The following SLC35F1 variants were observed in gnomAD, a reference collection of about 807,000 sequenced individuals.
SLC35F1 encodes the protein solute carrier family 35 member F1.
SLC35F1 carries 14 observed loss-of-function variants against 48.7 expected under a neutral mutation model. The ratio of observed to expected loss-of-function variants is 0.29; its 90% CI spans 0.19 to 0.45. The LOEUF (loss-of-function observed/expected upper bound fraction) is 0.45. SLC35F1 is among the 20% of genes least tolerant of loss of function. The pLI is 1.00. For synonymous variants in SLC35F1, 190 were observed against 202.2 expected, an observed-to-expected ratio of 0.94 and a Z score of 0.51; for missense variants, 404 against 500.0, an observed-to-expected ratio of 0.81 and a Z score of 1.83.
intron 1 of SLC35F1, among the ~76,000 whole-genome samples, chr6:117,925,394 C>T (rs1211085733): frequency 6.6e-6 from 1 of 152,084 alleles, no homozygotes; most frequent in Non-Finnish European, 1.5e-5. Context: ...TGAAGGAAAC[C>T]AGCAGTAGGA....
intron 6 of SLC35F1, among the ~76,000 whole-genome samples, chr6:118,280,970 G>A (rs373383790): frequency 6.6e-6 from 1 of 151,872 alleles, no homozygotes; most frequent in South Asian, 2.1e-4. Flanking sequence ...AGCAAAGCCA[G>A]CCCAGTGCCC....
chr6:118,054,575 A>G (rs1478940537), intron 1 of SLC35F1, among the ~76,000 whole-genome samples: 1 of 152,180 alleles, frequency 6.6e-6, no homozygotes, highest in Non-Finnish European at 1.5e-5. Context: ...TGGCAAAAAA[A>G]GGTGATGTGG....
At chr6:117,913,144 G>A (rs1016972528) in intron 1 of SLC35F1, among the ~76,000 whole-genome samples, 19 of 152,150 alleles carry the variant, frequency 1.2e-4, no homozygotes, top group African/African-American at 4.1e-4. Context: ...GTTCATTTGC[G>A]TTCAGGCCAA....
At position 118,314,638 on chromosome 6, in the gene SLC35F1, T is replaced by C. The variant is rs1776410418; in HGVS notation, c.*386T>C. 4.3e-6 allele frequency: 1 copy of C among 231,744 alleles called. No homozygotes were observed. The highest frequency in any genetic ancestry group is 8.7e-6 in the Non-Finnish European group (1 of 114,622). 14.4% of individuals were successfully genotyped at this position (231,744 alleles called of 1,614,324 possible). On this transcript the variant is annotated 3_prime_UTR_variant, in exon 8 of 8. Coordinates refer to ENST00000360388, the MANE Select transcript of SLC35F1 (RefSeq NM_001029858.4). The stretch of plus-strand genomic sequence containing the variant: ...TGGAAACTATTGCCAGACCCACATG[T>C]AGTCAACATAAACCCCACTTTTCTA...
chr6:117,971,195 G>A (rs757996729), intron 1 of SLC35F1, among the ~76,000 whole-genome samples: 15 of 152,278 alleles, frequency 9.9e-5, no homozygotes, highest in Non-Finnish European at 1.3e-4. Context: ...TACAGGCCTC[G>A]TGCAAGTCCG....
At chr6:117,923,817 A>G (rs987352554) in intron 1 of SLC35F1, among the ~76,000 whole-genome samples, 19 of 145,320 alleles carry the variant, frequency 1.3e-4, no homozygotes, top group South Asian at 4.2e-4. Flanking sequence ...ACACATACAT[A>G]TGTATATATA....
At chr6:118,230,079 T>C (rs1017563436) in intron 2 of SLC35F1, among the ~76,000 whole-genome samples, 4 of 152,196 alleles carry the variant, frequency 2.6e-5, no homozygotes, top group East Asian at 1.9e-4. Flanking sequence ...TGGTGGCTCT[T>C]GCCTGTAATC....
intron 1 of SLC35F1, among the ~76,000 whole-genome samples, chr6:117,933,216 C>A (rs933849864): frequency 1.3e-5 from 2 of 152,100 alleles, no homozygotes; most frequent in African/African-American, 4.8e-5. Flanking sequence ...GAGTTATAAA[C>A]CTTATATATT....
At chr6:117,909,545 G>A (rs921377910) in intron 1 of SLC35F1, among the ~76,000 whole-genome samples, 2 of 152,144 alleles carry the variant, frequency 1.3e-5, no homozygotes, top group African/African-American at 2.4e-5. Context: ...ACCTTGGCCA[G>A]TAGCTAGACA....
intron 7 of SLC35F1, among the ~76,000 whole-genome samples, chr6:118,300,470 T>C (rs1776243284): frequency 6.6e-6 from 1 of 152,208 alleles, no homozygotes; most frequent in Admixed American, 6.5e-5. Context: ...TAAAACACTA[T>C]ATGAACATTT....
intron 1 of SLC35F1, among the ~76,000 whole-genome samples, chr6:118,044,441 T>C (rs1481698706): frequency 1.3e-5 from 2 of 152,156 alleles, no homozygotes; most frequent in Non-Finnish European, 2.9e-5. Context: ...CATGAAATCA[T>C]TCTCCAGGGT....
chr6:117,985,317 T>C (rs1327010624), intron 1 of SLC35F1, among the ~76,000 whole-genome samples: 8 of 152,200 alleles, frequency 5.3e-5, no homozygotes, highest in Admixed American at 5.2e-4. Flanking sequence ...CTTTTTAAAT[T>C]GAGCAGGGAT....
intron 1 of SLC35F1, among the ~76,000 whole-genome samples, chr6:117,990,343 G>C (rs966952042): frequency 4.6e-5 from 7 of 152,078 alleles, no homozygotes; most frequent in African/African-American, 1.7e-4. Flanking sequence ...TTTTAGACAA[G>C]AATTTCACAC....
chr6:118,106,168 T>C (rs1773324627), intron 1 of SLC35F1, among the ~76,000 whole-genome samples: 1 of 152,148 alleles, frequency 6.6e-6, no homozygotes, highest in Admixed American at 6.6e-5. Flanking sequence ...CACCTCCTGG[T>C]AGACTAGAAG....
chr6:118,259,756 C>T (rs1473058869), intron 3 of SLC35F1, among the ~76,000 whole-genome samples: 2 of 151,584 alleles, frequency 1.3e-5, no homozygotes, highest in Non-Finnish European at 2.9e-5. Flanking sequence ...AAACTAGAAC[C>T]CTTGTACATT....
intron 2 of SLC35F1, among the ~76,000 whole-genome samples, chr6:118,221,898 A>T (rs1454528621): frequency 6.6e-6 from 1 of 152,218 alleles, no homozygotes; most frequent in Non-Finnish European, 1.5e-5. Flanking sequence ...ATCACATGTA[A>T]AATTAACAAG....
chr6:118,027,978 T>C (rs543547638), intron 1 of SLC35F1, among the ~76,000 whole-genome samples: 3 of 152,242 alleles, frequency 2.0e-5, no homozygotes, highest in Admixed American at 6.5e-5. Flanking sequence ...TTCTAGAAGC[T>C]TTATACCTTT....
intron 5 of SLC35F1, among the ~76,000 whole-genome samples, chr6:118,276,615 T>TAAATA (rs1775921351): frequency 6.6e-6 from 1 of 152,232 alleles, no homozygotes; most frequent in Non-Finnish European, 1.5e-5. Flanking sequence ...TTAAAGCTCC[T>TAAATA]AAATTTTGTG....
At chr6:118,191,136 C>T (rs1191983178) in intron 2 of SLC35F1, among the ~76,000 whole-genome samples, 1 of 152,094 alleles carries the variant, frequency 6.6e-6, no homozygotes, top group Non-Finnish European at 1.5e-5. Flanking sequence ...CTCTTTAACC[C>T]ATGATGTGGG....
Sources: gnomAD v4.1 joint callset for allele counts (sites outside exome capture counted in the v4.1 genomes callset) on GRCh38, gnomAD v4.1.1 for gene constraint, MANE v1.5 for transcripts, NCBI Gene and HGNC (gene_info 2026-07-23, HGNC 2026-07-21) for gene names.